XKR4: variants seen among roughly 807,000 people sequenced by gnomAD.
XKR4 encodes XK-related protein 4.
In XKR4, 12 loss-of-function variants were observed where a neutral mutation model predicts 53.9. The ratio of observed to expected loss-of-function variants is 0.22; its 90% CI spans 0.14 to 0.36. The LOEUF is 0.36. Ranked by LOEUF, XKR4 falls within the 10% of genes least tolerant of loss-of-function variation. The pLI is 1.00. For missense variants in XKR4, 799 were observed against 859.5 expected (o/e 0.93, Z 0.88); for synonymous variants, 354 against 362.4 (o/e 0.98, Z 0.26).
Position 55,232,261 on chromosome 8 carries a change from G to C in XKR4, c.807-125417G>C, listed in dbSNP as rs572802189. Among the ~76,000 whole-genome samples the C allele has an allele frequency of 2.0e-5, 3 of 152,314 alleles. No homozygotes were observed. In the South Asian group the frequency reaches 6.2e-4, roughly 32 times the overall value. On this transcript the variant is annotated intron_variant, in intron 1 of 2. Transcript: ENST00000327381. ...GGCAGGCAACTTGCCGGACATTAGT[G>C]ATGCTTGACCAAGTGCCAGGAAGAG... is the stretch of plus-strand genomic sequence containing the variant.
At position 55,254,956 on chromosome 8, in the gene XKR4, C is replaced by T. The variant is rs146625247; in HGVS notation, c.807-102722C>T. ...TTTCCCTGTTAGCGGATGTCATGCACGACAACCAAGCTGATGCTTTCCGGA... is the reference window on the plus strand; with the variant it reads ...TTTCCCTGTTAGCGGATGTCATGCATGACAACCAAGCTGATGCTTTCCGGA... On this transcript the variant is annotated intron_variant, in intron 1 of 2. Transcript: ENST00000327381. Among the ~76,000 whole-genome samples the T allele has an allele frequency of 2.2e-3, 331 of 152,300 alleles. 2 individuals are homozygous for T. Among genetic ancestry groups the T allele is most frequent in the Middle Eastern group, 6.8e-3 (2 of 294 alleles).
intron 1 of XKR4, among the ~76,000 whole-genome samples, chr8:55,122,958 T>A (rs1408402329): frequency 6.6e-6 from 1 of 152,000 alleles, no homozygotes; most frequent in Admixed American, 6.5e-5. Context: ...CTTCATGGGG[T>A]GTGTGTACAA....
At chr8:55,289,110 G>A (rs1363807908) in intron 1 of XKR4, among the ~76,000 whole-genome samples, 2 of 152,072 alleles carry the variant, frequency 1.3e-5, no homozygotes, top group Non-Finnish European at 2.9e-5. Context: ...TATGAATAAA[G>A]CTGTCATAAA....
chr8:55,378,380 G>C (rs1300086532), intron 2 of XKR4, among the ~76,000 whole-genome samples: 1 of 152,178 alleles, frequency 6.6e-6, no homozygotes, highest in African/African-American at 2.4e-5. Flanking sequence ...TATTTTTATT[G>C]CCTTAGAATT....
At chr8:55,263,697 G>T (rs1382658092) in intron 1 of XKR4, among the ~76,000 whole-genome samples, 1 of 152,138 alleles carries the variant, frequency 6.6e-6, no homozygotes, top group Non-Finnish European at 1.5e-5. Flanking sequence ...TTTGAGCTAT[G>T]AATTTCTTTC....
rs555965605 is a variant in XKR4 at position 55,538,713 on chromosome 8, G to A, written c.*14486G>A. 2.0e-5 allele frequency: 3 copies of A among 152,176 alleles called. No homozygotes were observed. Among genetic ancestry groups the A allele is most frequent in the Non-Finnish European group, 2.9e-5 (2 of 68,038 alleles). 9.4% of individuals were successfully genotyped at this position (152,176 alleles called of 1,614,324 possible). On this transcript the variant is annotated 3_prime_UTR_variant, in exon 3 of 3. Coordinates refer to ENST00000327381, the MANE Select transcript of XKR4 (RefSeq NM_052898.2). ...CCCAAGCTGCATTTTTTCAGAATGC[G>A]TGCATGATGCCCCAGTTCTGTACTC...
intron 1 of XKR4, among the ~76,000 whole-genome samples, chr8:55,126,571 G>A (rs1302437759): frequency 6.6e-6 from 1 of 152,178 alleles, no homozygotes; most frequent in Non-Finnish European, 1.5e-5. Context: ...GCAGTCATAG[G>A]GTAGAGGTGG....
intron 2 of XKR4, among the ~76,000 whole-genome samples, chr8:55,375,280 G>A (rs1404851564): frequency 2.6e-5 from 4 of 152,148 alleles, no homozygotes; most frequent in African/African-American, 4.8e-5. Flanking sequence ...ACAACGGAGC[G>A]TGCACCACCT....
At chr8:55,279,444 T>C (rs900944050) in intron 1 of XKR4, among the ~76,000 whole-genome samples, 1 of 152,228 alleles carries the variant, frequency 6.6e-6, no homozygotes, top group African/African-American at 2.4e-5. Flanking sequence ...TTGCTCCAAC[T>C]GCGATGTGCT....
chr8:55,195,329 A>G (rs2129361511), intron 1 of XKR4, among the ~76,000 whole-genome samples: 1 of 141,762 alleles, frequency 7.1e-6, no homozygotes, highest in Non-Finnish European at 1.6e-5. Context: ...TGAGAGTTCT[A>G]TGATCATCTC....
At chr8:55,121,945 G>A (rs189732300) in intron 1 of XKR4, among the ~76,000 whole-genome samples, 15 of 152,136 alleles carry the variant, frequency 9.9e-5, no homozygotes, top group Middle Eastern at 3.4e-3. Flanking sequence ...CCTCTGCTCC[G>A]CTTGGGCTCT....
chr8:55,405,587 C>A (rs991937005), intron 2 of XKR4, among the ~76,000 whole-genome samples: 3 of 152,178 alleles, frequency 2.0e-5, no homozygotes, highest in Admixed American at 2.0e-4. Flanking sequence ...CAGGGAACAG[C>A]CTGCCCTGAT....
chr8:55,482,976 CATT>C (rs1427129428), intron 2 of XKR4, among the ~76,000 whole-genome samples: 1 of 152,116 alleles, frequency 6.6e-6, no homozygotes, highest in African/African-American at 2.4e-5. Context: ...GCAAATGAAT[CATT>C]GTTAGCCCTG....
Position 55,316,192 on chromosome 8 carries a change from C to T in XKR4, c.807-41486C>T, listed in dbSNP as rs150316780. ...CTAATAATTTACAGTCTCTAAAGCACGTTCACAGCCATTTTATCTTATTTT... is the reference window on the plus strand; with the variant it reads ...CTAATAATTTACAGTCTCTAAAGCATGTTCACAGCCATTTTATCTTATTTT... On this transcript the variant is annotated intron_variant, in intron 1 of 2. Transcript: ENST00000327381. 1.0e-3 allele frequency among the ~76,000 whole-genome samples: 152 copies of T among 152,284 alleles called. 1 individual carries two copies. The highest frequency in any genetic ancestry group is 6.8e-3 in the Middle Eastern group (2 of 294).
intron 2 of XKR4, among the ~76,000 whole-genome samples, chr8:55,465,425 C>A (rs1211726691): frequency 6.6e-6 from 1 of 151,972 alleles, no homozygotes; most frequent in Non-Finnish European, 1.5e-5. Flanking sequence ...GAAAAACTGG[C>A]TAGCCATATG....
intron 1 of XKR4, among the ~76,000 whole-genome samples, chr8:55,151,294 T>A (rs1301054157): frequency 1.3e-5 from 2 of 152,184 alleles, no homozygotes; most frequent in African/African-American, 4.8e-5. Context: ...TTAACAATTA[T>A]CTGATCTAAC....
At chr8:55,459,488 A>G (rs1353215728) in intron 2 of XKR4, among the ~76,000 whole-genome samples, 1 of 152,156 alleles carries the variant, frequency 6.6e-6, no homozygotes, top group Non-Finnish European at 1.5e-5. Flanking sequence ...AAAAATAAAG[A>G]AAACCATAGA....
At chr8:55,110,171 C>G (rs1445167965) in intron 1 of XKR4, among the ~76,000 whole-genome samples, 1 of 152,142 alleles carries the variant, frequency 6.6e-6, no homozygotes, top group East Asian at 1.9e-4. Flanking sequence ...AATGTTTTAT[C>G]AGGTGTGATC....
intron 2 of XKR4, among the ~76,000 whole-genome samples, chr8:55,490,370 G>C (rs973753735): frequency 6.6e-6 from 1 of 152,134 alleles, no homozygotes; most frequent in African/African-American, 2.4e-5. Flanking sequence ...CTTAAAAGTA[G>C]GAGTTAAACA....
Sources: allele counts gnomAD v4.1 joint callset (sites outside exome capture counted in the v4.1 genomes callset), GRCh38; gene constraint gnomAD v4.1.1; transcripts MANE v1.5; gene names NCBI Gene and HGNC (gene_info 2026-07-23, HGNC 2026-07-21).